NPAS3: variants seen among roughly 807,000 people sequenced by gnomAD.
NPAS3 encodes the protein neuronal PAS domain protein 3, also known as neuronal PAS domain-containing protein 3.
In NPAS3, 14 loss-of-function variants were observed where a neutral mutation model predicts 73.1. The ratio of observed to expected loss-of-function variants is 0.19; its 90% CI spans 0.13 to 0.30. NPAS3 has a LOEUF of 0.30. Ranked by LOEUF, NPAS3 falls within the 10% of genes least tolerant of loss-of-function variation. The pLI, the probability that NPAS3 is intolerant of heterozygous loss-of-function variation, is 1.00. For missense variants in NPAS3, 1,096 were observed against 1,250.0 expected (o/e 0.88, Z 1.86); for synonymous variants, 620 against 541.5 (o/e 1.14, Z -2.01).
chr14:33,581,803 G>A (rs2056674236), intron 5 of NPAS3, among the ~76,000 whole-genome samples: 1 of 152,170 alleles, frequency 6.6e-6, no homozygotes, highest in African/African-American at 2.4e-5. Flanking sequence ...CGAATTTCTG[G>A]GCTCAAGCCA....
chr14:33,198,589 T>C lies in NPAS3; in HGVS notation c.141-16593T>C, dbSNP rs28869605. ...GCATTTACAAACCTTGAGCTAGACATAGAGTGCTGATTGGTGTATTTATAC... is the reference window on the plus strand; with the variant it reads ...GCATTTACAAACCTTGAGCTAGACACAGAGTGCTGATTGGTGTATTTATAC... On this transcript the variant is annotated intron_variant, in intron 2 of 11. Coordinates refer to ENST00000356141, the Ensembl canonical transcript of NPAS3. Among the ~76,000 whole-genome samples the C allele has an allele frequency of 6.8e-3, 1,034 of 152,220 alleles. 13 individuals are homozygous for C. Among genetic ancestry groups the C allele is most frequent in the African/African-American group, 0.024 (998 of 41,526 alleles).
intron 4 of NPAS3, among the ~76,000 whole-genome samples, chr14:33,520,556 C>G (rs1470746130): frequency 6.6e-6 from 1 of 151,940 alleles, no homozygotes; most frequent in Non-Finnish European, 1.5e-5. Flanking sequence ...ATGAAATGGG[C>G]AGGAGAGATG....
chr14:33,003,122 A>G (rs1279527454), intron 1 of NPAS3, among the ~76,000 whole-genome samples: 2 of 149,194 alleles, frequency 1.3e-5, no homozygotes, highest in Non-Finnish European at 3.0e-5. Context: ...CTTTCTTGCT[A>G]TAATTATATT....
chr14:33,499,769 C>T (rs1402306249), intron 4 of NPAS3, among the ~76,000 whole-genome samples: 1 of 152,008 alleles, frequency 6.6e-6, no homozygotes, highest in East Asian at 1.9e-4. Flanking sequence ...CAGCGCCCCA[C>T]ACACTGAAAC....
intron 5 of NPAS3, among the ~76,000 whole-genome samples, chr14:33,589,973 G>C (rs915601786): frequency 6.6e-6 from 1 of 152,196 alleles, no homozygotes; most frequent in African/African-American, 2.4e-5. Context: ...TCAGCAAGAT[G>C]AGAAGGCCAT....
chr14:33,351,353 C>T (rs2045042592), intron 3 of NPAS3, among the ~76,000 whole-genome samples: 1 of 152,106 alleles, frequency 6.6e-6, no homozygotes, highest in African/African-American at 2.4e-5. Context: ...TAAAATGCTG[C>T]AGTCTGTTTG....
intron 4 of NPAS3, among the ~76,000 whole-genome samples, chr14:33,388,982 T>C (rs1181168801): frequency 6.6e-6 from 1 of 152,066 alleles, no homozygotes; most frequent in African/African-American, 2.4e-5. Flanking sequence ...TGTTGTTCCC[T>C]TCTCACCTTT....
chr14:33,121,962 C>G (rs1296386734), intron 2 of NPAS3, among the ~76,000 whole-genome samples: 1 of 152,058 alleles, frequency 6.6e-6, no homozygotes, highest in Non-Finnish European at 1.5e-5. Flanking sequence ...TCCATGAGTA[C>G]CCTAAAACAG....
chr14:33,548,240 C>T (rs1352224004), intron 4 of NPAS3, among the ~76,000 whole-genome samples: 1 of 152,174 alleles, frequency 6.6e-6, no homozygotes, highest in African/African-American at 2.4e-5. Flanking sequence ...TACAATTCTG[C>T]ATGCTAATTT....
intron 5 of NPAS3, among the ~76,000 whole-genome samples, chr14:33,607,073 G>A (rs1397200888): frequency 1.3e-5 from 2 of 152,116 alleles, no homozygotes; most frequent in Non-Finnish European, 2.9e-5. Flanking sequence ...GGATGTGGTA[G>A]AACTAGAATG....
chr14:33,033,343 G>A (rs148636220), intron 1 of NPAS3, among the ~76,000 whole-genome samples: 1 of 151,984 alleles, frequency 6.6e-6, no homozygotes, highest in Non-Finnish European at 1.5e-5. Context: ...GCCAGGGGTG[G>A]TGGTGGGTGC....
intron 4 of NPAS3, among the ~76,000 whole-genome samples, chr14:33,422,133 G>A (rs952926450): frequency 2.0e-5 from 3 of 151,896 alleles, no homozygotes; most frequent in African/African-American, 7.3e-5. Context: ...CCACTGAGCA[G>A]CGGCCAAGAC....
intron 4 of NPAS3, among the ~76,000 whole-genome samples, chr14:33,493,519 C>T (rs184657156): frequency 7.1e-4 from 108 of 152,104 alleles, no homozygotes; most frequent in African/African-American, 2.2e-3. Flanking sequence ...GTTTGTGTAC[C>T]CACATGTTGT....
chr14:33,340,801 G>T (rs1299185631), intron 3 of NPAS3, among the ~76,000 whole-genome samples: 1 of 152,122 alleles, frequency 6.6e-6, no homozygotes, highest in Non-Finnish European at 1.5e-5. Context: ...ATAATCTTTA[G>T]ACTGTTAGTT....
At chr14:33,373,541 A>G (rs1272343696) in intron 4 of NPAS3, among the ~76,000 whole-genome samples, 1 of 152,132 alleles carries the variant, frequency 6.6e-6, no homozygotes, top group Non-Finnish European at 1.5e-5. Flanking sequence ...TTGGATAAGT[A>G]TAATAAGTAC....
chr14:33,429,792 G>A (rs1405400591), intron 4 of NPAS3, among the ~76,000 whole-genome samples: 1 of 152,130 alleles, frequency 6.6e-6, no homozygotes, highest in African/African-American at 2.4e-5. Flanking sequence ...ATGTTATGAT[G>A]ATATGTGCTG....
intron 2 of NPAS3, among the ~76,000 whole-genome samples, chr14:33,158,243 T>G (rs1370034706): frequency 1.3e-5 from 2 of 152,162 alleles, no homozygotes; most frequent in Non-Finnish European, 2.9e-5. Context: ...TGTTAGAAAG[T>G]TGAATTTTTA....
At chr14:33,510,654 G>A (rs575201012) in intron 4 of NPAS3, among the ~76,000 whole-genome samples, 73 of 152,146 alleles carry the variant, frequency 4.8e-4, no homozygotes, top group East Asian at 7.8e-4. Context: ...CATTTTCTGC[G>A]TGTTGGAAGA....
At chr14:33,563,535 C>CAG (rs1276549335) in intron 5 of NPAS3, among the ~76,000 whole-genome samples, 3 of 108,014 alleles carry the variant, frequency 2.8e-5, no homozygotes, top group Non-Finnish European at 5.6e-5. Context: ...CACACACACA[C>CAG]ACAGAGAGAG....
Sources: gnomAD v4.1 joint callset for allele counts (sites outside exome capture counted in the v4.1 genomes callset) on GRCh38, gnomAD v4.1.1 for gene constraint, MANE v1.5 for transcripts, NCBI Gene and HGNC (gene_info 2026-07-23, HGNC 2026-07-21) for gene names.